Variants in CALCRL observed in about 807,000 individuals in gnomAD.
The protein encoded by CALCRL is calcitonin receptor like receptor.
CALCRL carries 27 observed loss-of-function variants against 60.4 expected under a neutral mutation model. The ratio of observed to expected loss-of-function variants is 0.45; its 90% CI spans 0.33 to 0.62. CALCRL has a LOEUF of 0.62. Ranked by LOEUF, CALCRL falls within the 20% of genes least tolerant of loss-of-function variation. CALCRL has a pLI of 0.03. For missense variants in CALCRL, 424 were observed against 540.7 expected, an observed-to-expected ratio of 0.78 and a Z score of 2.14; for synonymous variants, 190 against 182.6, an observed-to-expected ratio of 1.04 and a Z score of -0.33.
rs575998693 is a variant in CALCRL at position 187,349,129 on chromosome 2, C to G, written c.1171-2730G>C. On this transcript the variant is annotated intron_variant, in intron 14 of 14. Transcript: ENST00000392370. ...GTTTAATTGTCTGTCCTCAACAAAA[C>G]TTTTTGCTCATCTTATGGAATATCT... 2.8e-4 allele frequency among the ~76,000 whole-genome samples: 43 copies of G among 151,698 alleles called. No homozygotes were observed. The South Asian group carries it at 8.1e-3, about 29-fold the overall frequency.
chr2:187,367,826 T>A (rs1356695085), intron 8 of CALCRL, among the ~76,000 whole-genome samples: 1 of 152,080 alleles, frequency 6.6e-6, no homozygotes, highest in East Asian at 1.9e-4. Flanking sequence ...GTATTTCATA[T>A]TTTTTACATA....
In CALCRL at chr2:187,346,075, T is replaced by A; in HGVS notation, c.*109A>T. 1 of 653,502 alleles carries A rather than the reference T, an allele frequency of 1.5e-6. No individual in the cohort carries two copies. The highest frequency in any genetic ancestry group is 2.7e-5 in the East Asian group (1 of 36,400). 40.5% of individuals were successfully genotyped at this position (653,502 alleles called of 1,614,324 possible). ...AATTTCATGTGAAGGCTCTTCTTTA[T>A]GACATTCAAAAAGTCATTTAATATT... On this transcript the variant is annotated 3_prime_UTR_variant, in exon 15 of 15. Transcript: ENST00000392370.
chr2:187,426,198 G>A (rs902835100), intron 1 of CALCRL, among the ~76,000 whole-genome samples: 8 of 150,900 alleles, frequency 5.3e-5, no homozygotes, highest in South Asian at 2.1e-4. Context: ...AGATGAGCAC[G>A]TAACACTTTA....
In CALCRL at chr2:187,352,251, A is replaced by G. The variant is rs761584986; in HGVS notation, c.991T>C (p.Tyr331His). The change falls in exon 13 of 15, where the codon TAC (tyrosine) becomes CAC (histidine). Residue 331 changes from tyrosine (Y) to histidine (H), a missense_variant. Physicochemically the swap from Tyr to His is moderately conservative, Grantham distance 83. This residue lies in a region of CALCRL where 222 missense variants were observed against 265.6 expected (regional missense o/e 0.84). Coordinates refer to ENST00000392370, the MANE Select transcript of CALCRL (RefSeq NM_005795.6). ...AGAGTAGCTCTCACAGCTTTCATGTACAGATTGGATTCCGCTTGGTGTGTA... is the reference window on the plus strand; with the variant it reads ...AGAGTAGCTCTCACAGCTTTCATGTGCAGATTGGATTCCGCTTGGTGTGTA... ...KVTHQAESNLYMKAVRATLIL... is the reference protein window; with the variant it reads ...KVTHQAESNLHMKAVRATLIL... 2 of 1,612,348 alleles carry G rather than the reference A, an allele frequency of 1.2e-6. No individual in the cohort carries two copies. Among genetic ancestry groups the G allele is most frequent in the Admixed American group, 1.7e-5 (1 of 59,816 alleles).
Position 187,400,431 on chromosome 2 carries a change from A to T in CALCRL, c.-292-12675T>A, listed in dbSNP as rs567210343. Among the ~76,000 whole-genome samples, 13 of 151,652 alleles carry T rather than the reference A, an allele frequency of 8.6e-5. No individual in the cohort carries two copies. The South Asian group carries it at 2.7e-3, about 31-fold the overall frequency. ...AAATTATAACCACCATATATTGCTT[A>T]TAGGAATGTAAAATAGTGTAATCAT... On this transcript the variant is annotated intron_variant, in intron 1 of 14. Transcript: ENST00000392370.
At chr2:187,378,013 A>T (rs1260160290) in intron 8 of CALCRL, among the ~76,000 whole-genome samples, 1 of 151,762 alleles carries the variant, frequency 6.6e-6, no homozygotes, top group Non-Finnish European at 1.5e-5. Flanking sequence ...AGGGGTAGGA[A>T]GAGGAATAAG....
intron 1 of CALCRL, among the ~76,000 whole-genome samples, chr2:187,405,812 T>G (rs1689092881): frequency 6.6e-6 from 1 of 151,966 alleles, no homozygotes; most frequent in Non-Finnish European, 1.5e-5. Context: ...GCAGAAAGTT[T>G]GTTAGTTTGG....
At chr2:187,370,726 G>A (rs1465949559) in intron 8 of CALCRL, among the ~76,000 whole-genome samples, 1 of 152,122 alleles carries the variant, frequency 6.6e-6, no homozygotes, top group South Asian at 2.1e-4. Flanking sequence ...GTTAAAGCAT[G>A]TCCATTACTT....
In CALCRL at chr2:187,343,583, G is replaced by A. The variant is rs1686167616; in HGVS notation, c.*2601C>T. The A allele has an allele frequency of 6.6e-6, 1 of 151,584 alleles. No individual in the cohort carries two copies. Among genetic ancestry groups the A allele is most frequent in the Admixed American group, 6.6e-5 (1 of 15,152 alleles). 9.4% of individuals were successfully genotyped at this position (151,584 alleles called of 1,614,324 possible). Reference sequence around the variant, plus strand: ...TGAATATTTTATGAATAAATGCATTGGAAATTAACTTTAGGAAATAAAATG... The same window carrying A: ...TGAATATTTTATGAATAAATGCATTAGAAATTAACTTTAGGAAATAAAATG... On this transcript the variant is annotated 3_prime_UTR_variant, in exon 15 of 15. Coordinates refer to ENST00000392370, the MANE Select transcript of CALCRL (RefSeq NM_005795.6).
chr2:187,370,117 C>T (rs17463994), intron 8 of CALCRL, among the ~76,000 whole-genome samples: 41,024 of 151,980 alleles, frequency 0.27, 5,854 homozygotes, highest in Non-Finnish European at 0.31. Flanking sequence ...AAATTATTCC[C>T]ATCTCTTTCA....
chr2:187,435,418 A>G (rs1394575797), intron 1 of CALCRL, among the ~76,000 whole-genome samples: 1 of 152,180 alleles, frequency 6.6e-6, no homozygotes, highest in Non-Finnish European at 1.5e-5. Context: ...TGAGGGAGCC[A>G]TCCCCATGAT....
intron 1 of CALCRL, among the ~76,000 whole-genome samples, chr2:187,396,740 C>T (rs992476641): frequency 6.6e-6 from 1 of 151,498 alleles, no homozygotes; most frequent in African/African-American, 2.4e-5. Context: ...TGAAGAGATG[C>T]CTAAATTTAA....
At chr2:187,399,426 T>A (rs1168988396) in intron 1 of CALCRL, among the ~76,000 whole-genome samples, 1 of 151,548 alleles carries the variant, frequency 6.6e-6, no homozygotes, top group Non-Finnish European at 1.5e-5. Context: ...GTAAAATGTT[T>A]GTCACCTCGG....
chr2:187,421,243 T>C (rs1201322723), intron 1 of CALCRL, among the ~76,000 whole-genome samples: 5 of 152,244 alleles, frequency 3.3e-5, no homozygotes, highest in Non-Finnish European at 7.3e-5. Flanking sequence ...TTACTGTTGG[T>C]AAGTAAATGT....
Position 187,352,151 on chromosome 2 carries a change from A to G in CALCRL, c.1091T>C (p.Val364Ala). 12 of 1,612,356 alleles carry G rather than the reference A, an allele frequency of 7.4e-6. No homozygotes were observed. The highest frequency in any genetic ancestry group is 1.0e-5 in the Non-Finnish European group (12 of 1,178,894). Residue 364 changes from valine (V) to alanine (A), a missense_variant, in exon 13 of 15, where the codon GTA becomes GCA. Physicochemically the swap from Val to Ala is moderately conservative, Grantham distance 64. This residue lies in a region of CALCRL where 222 missense variants were observed against 265.6 expected (regional missense o/e 0.84). Transcript: ENST00000392370. The stretch of plus-strand genomic sequence containing the variant: ...AAGGATGTGCATGATGTAGTCATAT[A>G]CCTCCTCTGCAATCTTTCCTTCAGG... ...WRPEGKIAEE[V>A]YDYIMHILMH...
intron 1 of CALCRL, among the ~76,000 whole-genome samples, chr2:187,404,311 A>G (rs1281509889): frequency 6.6e-6 from 1 of 151,932 alleles, no homozygotes; most frequent in Non-Finnish European, 1.5e-5. Context: ...TAAAGAAGCA[A>G]TAGTGTCTTA....
intron 1 of CALCRL, among the ~76,000 whole-genome samples, chr2:187,392,870 C>T (rs887645654): frequency 3.3e-5 from 5 of 151,872 alleles, no homozygotes; most frequent in African/African-American, 1.2e-4. Flanking sequence ...CACCTGGCCT[C>T]CAATAAAGTA....
intron 8 of CALCRL, among the ~76,000 whole-genome samples, chr2:187,365,206 GAGTTA>G (rs1211057092): frequency 5.3e-5 from 8 of 152,310 alleles, no homozygotes; most frequent in Admixed American, 4.6e-4. Context: ...AGCATGAAGA[GAGTTA>G]ATGAATATCA....
intron 12 of CALCRL, among the ~76,000 whole-genome samples, chr2:187,356,787 A>C (rs1433167390): frequency 6.6e-6 from 1 of 152,240 alleles, no homozygotes; most frequent in Non-Finnish European, 1.5e-5. Context: ...ATCTACAAAG[A>C]ACTTAAACAA....
Sources: gnomAD v4.1 joint callset for allele counts (sites outside exome capture counted in the v4.1 genomes callset) on GRCh38, gnomAD v4.1.1 for gene constraint, gnomAD v4.1.1 regional missense constraint, MANE v1.5 for transcripts, NCBI Gene and HGNC (gene_info 2026-07-23, HGNC 2026-07-21) for gene names.